The following PRKDC variants were observed in gnomAD, a reference collection of about 807,000 sequenced individuals.
PRKDC encodes DNA-dependent protein kinase catalytic subunit.
In PRKDC, 82 loss-of-function variants were observed where a neutral mutation model predicts 486.9. The observed-to-expected ratio is 0.17, with a 90% CI of 0.14 to 0.20. The LOEUF (loss-of-function observed/expected upper bound fraction) is 0.20, where lower values mean the gene tolerates loss of function less well. Ranked by LOEUF, PRKDC falls within the 10% of genes least tolerant of loss-of-function variation. The pLI is 1.00. For synonymous variants in PRKDC, 1,895 were observed against 1,837.0 expected, an observed-to-expected ratio of 1.03 and a Z score of -0.81; for missense variants, 4,504 against 5,038.2, an observed-to-expected ratio of 0.89 and a Z score of 3.21.
chr8:47,930,592 CTA>C (rs2090233582), intron 17 of PRKDC, 78 bp downstream of exon 17: 4 of 1,366,608 alleles, frequency 2.9e-6, no homozygotes, highest in Admixed American at 4.7e-5. Context: ...TTTCTTACAT[CTA>C]TATAAGGAAT....
At chr8:47,881,859 A>C (rs2089226391) in intron 37 of PRKDC, 53 bp downstream of exon 37, 7 of 1,438,100 alleles carry the variant, frequency 4.9e-6, no homozygotes, top group Non-Finnish European at 6.5e-6. Context: ...TAAAGACACA[A>C]GTTACAGAGT....
chr8:47,897,312 A>G lies in PRKDC; in HGVS notation c.3465-18T>C, dbSNP rs780172410. ...GAAATCCTCTGCACAGAGACAGCAT[A>G]CTGTCATTAGTCCCTCTCCAACATG... On this transcript the variant is annotated intron_variant, in intron 29 of 85. Coordinates refer to ENST00000314191, the MANE Select transcript of PRKDC (RefSeq NM_006904.7). The G allele has an allele frequency of 1.3e-6, 2 of 1,551,534 alleles. No individual in the cohort carries two copies. Among genetic ancestry groups the G allele is most frequent in the Non-Finnish European group, 1.8e-6 (2 of 1,138,478 alleles).
chr8:47,843,118 C>T (rs762872477), intron 54 of PRKDC, among the ~76,000 whole-genome samples: 5 of 152,104 alleles, frequency 3.3e-5, no homozygotes, highest in Non-Finnish European at 5.9e-5. Flanking sequence ...CAGTAAGTCA[C>T]GGCCACAACC....
intron 83 of PRKDC, among the ~76,000 whole-genome samples, chr8:47,778,118 G>A (rs1381133920): frequency 1.3e-5 from 2 of 152,180 alleles, no homozygotes; most frequent in Non-Finnish European, 2.9e-5. Context: ...TGAGAAGGAT[G>A]ATCCAAAACA....
At chr8:47,930,926 G>A in intron 16 of PRKDC, 139 bp from the exon 17 acceptor site, 1 of 763,944 alleles carries the variant, frequency 1.3e-6, no homozygotes, top group Non-Finnish European at 2.1e-6. Flanking sequence ...CAAGATGGGT[G>A]CTCAAGACCT....
intron 82 of PRKDC, 28 bp downstream of exon 82, chr8:47,778,700 C>A: frequency 6.2e-7 from 1 of 1,613,088 alleles, no homozygotes. Context: ...TGTGATCCCA[C>A]TAAGGGTGAG....
chr8:47,897,058 C>T, intron 30 of PRKDC, 103 bp downstream of exon 30: 1 of 1,234,648 alleles, frequency 8.1e-7, no homozygotes, highest in African/African-American at 1.5e-5. Flanking sequence ...AACTGAATAC[C>T]ATGTTAACTG....
chr8:47,893,056 C>T (rs956805507), intron 31 of PRKDC, 83 bp downstream of exon 31: 1 of 1,437,274 alleles, frequency 7.0e-7, no homozygotes, highest in Non-Finnish European at 9.2e-7. Flanking sequence ...CATCATGTCG[C>T]TGGGATTCTG....
In PRKDC at chr8:47,914,754, T is replaced by C. The variant is rs572900039; in HGVS notation, c.2617+574A>G. On this transcript the variant is annotated intron_variant, in intron 23 of 85. Coordinates refer to ENST00000314191, the MANE Select transcript of PRKDC (RefSeq NM_006904.7). The stretch of plus-strand genomic sequence containing the variant: ...AGGCGGAGGTTGCAGTGAGCCAAGA[T>C]TGTGCCACTGCATTCCAGCTTGGGC... Among the ~76,000 whole-genome samples the C allele has an allele frequency of 5.3e-5, 8 of 151,152 alleles. No homozygotes were observed. The South Asian group carries it at 8.3e-4, about 16-fold the overall frequency.
At chr8:47,952,892 C>A (rs1484194725) in intron 7 of PRKDC, among the ~76,000 whole-genome samples, 1 of 151,588 alleles carries the variant, frequency 6.6e-6, no homozygotes, top group South Asian at 2.1e-4. Flanking sequence ...GTAATCCCAG[C>A]ACTTTGGGAG....
At position 47,862,447 on chromosome 8, in the gene PRKDC, T is replaced by A; in HGVS notation, c.5845A>T (p.Ile1949Leu). ...TTGAAGACACAGCAGATGACAGATA[T>A]GGCGCAGTTGTATGCTGCACAATGG... ...LYHCAAYNCAISVICCVFNEL... is the reference protein window; with the variant it reads ...LYHCAAYNCALSVICCVFNEL... The change falls in exon 43 of 86, where the codon ATA becomes TTA. Residue 1949 changes from isoleucine (I) to leucine (L), a missense_variant. By Grantham distance (5) the Ile-to-Leu change is conservative. Transcript: ENST00000314191. The A allele has an allele frequency of 1.2e-6, 2 of 1,613,982 alleles. No homozygotes were observed. Among genetic ancestry groups the A allele is most frequent in the Non-Finnish European group, 1.7e-6 (2 of 1,179,850 alleles).
rs779315117 is a variant in PRKDC at position 47,820,738 on chromosome 8, C to T, written c.9317G>A (p.Gly3106Asp). The T allele has an allele frequency of 1.3e-6, 2 of 1,558,136 alleles. No individual in the cohort carries two copies. Among genetic ancestry groups the T allele is most frequent in the Non-Finnish European group, 1.7e-6 (2 of 1,149,552 alleles). The part of the protein sequence containing the change: ...VDRAKYYIQN[G>D]IQSFMQNYSS... ...TATTACCTGCATAAAACTCTGAATG[C>T]CATTTTGAATGTAATATTTGGCTCT... is the stretch of plus-strand genomic sequence containing the variant. Residue 3106 changes from glycine (G) to aspartate (D), a missense_variant, in exon 66 of 86, where the codon GGC becomes GAC. Gly to Asp is a moderately conservative substitution (Grantham distance 94). Around this residue, in one of 6 missense-constraint regions of PRKDC, gnomAD observed 1,592 missense variants for 1,724.6 expected, o/e 0.92. Coordinates refer to ENST00000314191, the MANE Select transcript of PRKDC (RefSeq NM_006904.7).
chr8:47,936,798 T>C (rs908545613), intron 11 of PRKDC, among the ~76,000 whole-genome samples: 8 of 149,952 alleles, frequency 5.3e-5, no homozygotes, highest in African/African-American at 2.0e-4. Flanking sequence ...TTTTTTTTTT[T>C]GTATTAAGTA....
At chr8:47,869,309 T>C (rs1012840908) in intron 40 of PRKDC, among the ~76,000 whole-genome samples, 1 of 151,480 alleles carries the variant, frequency 6.6e-6, no homozygotes, top group Non-Finnish European at 1.5e-5. Flanking sequence ...GAGGACTTTG[T>C]CTTGCAACTG....
intron 67 of PRKDC, among the ~76,000 whole-genome samples, chr8:47,819,127 C>G (rs2087523879): frequency 6.6e-6 from 1 of 152,204 alleles, no homozygotes; most frequent in African/African-American, 2.4e-5. Flanking sequence ...TCCTTGTGGG[C>G]AGGTATCCTC....
At chr8:47,849,358 G>A in intron 53 of PRKDC, 21 bp downstream of exon 53, 3 of 1,613,914 alleles carry the variant, frequency 1.9e-6, no homozygotes, top group Non-Finnish European at 2.5e-6. Context: ...TGCCCCGAAA[G>A]GATCCCTGGA....
chr8:47,889,953 G>T (rs1329026551), intron 32 of PRKDC, among the ~76,000 whole-genome samples: 2 of 152,082 alleles, frequency 1.3e-5, no homozygotes, highest in East Asian at 3.8e-4. Context: ...ACAAGGCAGA[G>T]CATATCAAAA....
intron 23 of PRKDC, among the ~76,000 whole-genome samples, chr8:47,914,277 A>G (rs2089953845): frequency 6.6e-6 from 1 of 152,230 alleles, no homozygotes; most frequent in Non-Finnish European, 1.5e-5. Context: ...CTTTTAAACA[A>G]GCCTAATAGT....
At chr8:47,784,630 T>C (rs564941003) in intron 77 of PRKDC, among the ~76,000 whole-genome samples, 3 of 152,284 alleles carry the variant, frequency 2.0e-5, no homozygotes, top group African/African-American at 7.2e-5. Context: ...ATCTGGCCAA[T>C]TTGCTGTGCA....
Sources: allele counts gnomAD v4.1 joint callset (sites outside exome capture counted in the v4.1 genomes callset), GRCh38; gene constraint gnomAD v4.1.1; regional missense constraint gnomAD v4.1.1; transcripts MANE v1.5; gene names NCBI Gene and HGNC (gene_info 2026-07-23, HGNC 2026-07-21).